The following MTHFD1 variants were observed in gnomAD, a reference collection of about 807,000 sequenced individuals.
The protein encoded by MTHFD1 is methylenetetrahydrofolate dehydrogenase, cyclohydrolase and formyltetrahydrofolate synthetase 1.
In MTHFD1, 44 loss-of-function variants were observed where a neutral mutation model predicts 110.3. That is an observed-to-expected ratio of 0.40 (90% CI 0.31 to 0.51). The LOEUF is 0.51. Among genes scored for constraint, MTHFD1 ranks in the 20% least tolerant of loss-of-function variants. The pLI, the probability that MTHFD1 is intolerant of heterozygous loss-of-function variation, is 0.60. For synonymous variants in MTHFD1, 402 were observed against 428.8 expected, an observed-to-expected ratio of 0.94 and a Z score of 0.77; for missense variants, 909 against 1,173.1, an observed-to-expected ratio of 0.77 and a Z score of 3.29.
At position 64,448,463 on chromosome 14, in the gene MTHFD1, C is replaced by T. The variant is rs547552368; in HGVS notation, c.2279+146C>T. 3.9e-4 allele frequency: 280 copies of T among 720,738 alleles called. 2 individuals carry two copies. Among genetic ancestry groups the T allele is most frequent in the Middle Eastern group, 3.2e-3 (14 of 4,326 alleles). The allele number at this position is 720,738 out of a possible 1,614,324, so 44.6% of individuals were successfully genotyped here. A position where few individuals can be genotyped will look rare whatever the true frequency, so the allele number is the denominator to read the frequency against. On this transcript the variant is annotated intron_variant, in intron 23 of 27. Transcript: ENST00000652337. ...TTAGCCTGCACTGTGACAGGCATTG[C>T]ATACGTCACTGCGGGCTCACCACCT...
chr14:64,430,861 TACATAG>T (rs1487155383), intron 13 of MTHFD1, among the ~76,000 whole-genome samples: 4 of 152,104 alleles, frequency 2.6e-5, no homozygotes, highest in African/African-American at 9.7e-5. Context: ...ATTGGAACAT[TACATAG>T]ACATAGAGTC....
At chr14:64,389,333 C>A (rs2077786836) in intron 1 of MTHFD1, among the ~76,000 whole-genome samples, 1 of 152,174 alleles carries the variant, frequency 6.6e-6, no homozygotes, top group African/African-American at 2.4e-5. Context: ...GTAACTGTTG[C>A]CAGCCACAGC....
intron 23 of MTHFD1, 52 bp from the exon 24 acceptor site, chr14:64,449,393 T>G: frequency 6.3e-7 from 1 of 1,593,418 alleles, no homozygotes; most frequent in South Asian, 1.1e-5. Flanking sequence ...AGAAGACAAT[T>G]CTGTCTCTCC....
chr14:64,454,909 T>C, intron 26 of MTHFD1, 34 bp downstream of exon 26: 6 of 1,610,068 alleles, frequency 3.7e-6, no homozygotes, highest in Non-Finnish European at 5.1e-6. Context: ...AGTGGGCGCA[T>C]CTGCACTTCT....
intron 19 of MTHFD1, chr14:64,441,711 C>T: frequency 1.8e-6 from 1 of 545,296 alleles, no homozygotes; most frequent in South Asian, 2.0e-5. Flanking sequence ...AAGGTTGAGG[C>T]AGAATGGCGT....
At chr14:64,441,757 C>G (rs1431697164) in intron 19 of MTHFD1, 1 of 542,796 alleles carries the variant, frequency 1.8e-6, no homozygotes, top group Non-Finnish European at 3.3e-6. Flanking sequence ...GAGCCGAGAT[C>G]ACGCCACTGC....
intron 24 of MTHFD1, among the ~76,000 whole-genome samples, chr14:64,452,366 T>A (rs562131119): frequency 1.4e-4 from 21 of 152,366 alleles, no homozygotes; most frequent in African/African-American, 4.8e-4. Context: ...ATTGCCTAAT[T>A]TTTGTAATTT....
Position 64,453,778 on chromosome 14 carries a change from A to G in MTHFD1, c.2482A>G (p.Ile828Val), listed in dbSNP as rs758271489. The G allele has an allele frequency of 4.3e-6, 7 of 1,611,146 alleles. No homozygotes were observed. The Admixed American group carries it at 1.2e-4, about 27-fold the overall frequency. ...GCTCCCAGTTGAGGATAAAATCAGG[A>G]TCATTGCACAGAAGATCTATGGAGC... ...LKLPVEDKIR[I>V]IAQKIYGADD... Residue 828 changes from isoleucine to valine, a missense_variant, in exon 25 of 28, where the codon ATC becomes GTC. By Grantham distance (29) the Ile-to-Val change is conservative. Around this residue, in one of 3 missense-constraint regions of MTHFD1, gnomAD observed 482 missense variants for 646.0 expected, o/e 0.75. Coordinates refer to ENST00000652337, the MANE Select transcript of MTHFD1 (RefSeq NM_005956.4).
intron 21 of MTHFD1, among the ~76,000 whole-genome samples, chr14:64,443,097 G>A (rs1010225977): frequency 2.2e-4 from 34 of 152,162 alleles, no homozygotes; most frequent in African/African-American, 8.2e-4. Context: ...CCAGGAGCTT[G>A]TATTATAACT....
intron 3 of MTHFD1, 73 bp from the exon 4 acceptor site, chr14:64,412,399 A>G (rs1289994117): frequency 9.1e-7 from 1 of 1,103,944 alleles, no homozygotes; most frequent in Admixed American, 1.7e-5. Context: ...CTTGTTAGTC[A>G]TGTCTGTAAA....
At chr14:64,421,624 AT>A (rs202091130) in intron 8 of MTHFD1, among the ~76,000 whole-genome samples, 54,946 of 145,396 alleles carry the variant, frequency 0.38, 10,272 homozygotes, top group East Asian at 0.51. Context: ...TATTTTTTTA[AT>A]TTTTTTTTTT....
chr14:64,395,439 G>C (rs1233080279), intron 1 of MTHFD1, among the ~76,000 whole-genome samples: 1 of 152,136 alleles, frequency 6.6e-6, no homozygotes, highest in Non-Finnish European at 1.5e-5. Context: ...GGGTGGGGGT[G>C]GGGGAGGTGG....
At chr14:64,418,202 T>C (rs1474161857) in intron 7 of MTHFD1, among the ~76,000 whole-genome samples, 178 bp downstream of exon 7, 1 of 152,086 alleles carries the variant, frequency 6.6e-6, no homozygotes, top group Non-Finnish European at 1.5e-5. Context: ...GTCCCAACAC[T>C]TTGGGAGTCT....
At chr14:64,440,360 C>A (rs866795627) in intron 18 of MTHFD1, 94 bp downstream of exon 18, 1 of 1,401,914 alleles carries the variant, frequency 7.1e-7, no homozygotes, top group Non-Finnish European at 1.0e-6. Context: ...TAATGCTGTA[C>A]TTAAGACATT....
rs750577887 is a variant in MTHFD1 at position 64,448,330 on chromosome 14, T to C, written c.2279+13T>C. The stretch of plus-strand genomic sequence containing the variant: ...TGAATGCATTCAAGTAAGTGTAGAG[T>C]GTAAGCGAAAAGGATGAATGTGGAA... On this transcript the variant is annotated intron_variant, in intron 23 of 27. Transcript: ENST00000652337. The C allele has an allele frequency of 5.1e-6, 8 of 1,580,480 alleles. No homozygotes were observed. In the Admixed American group the frequency reaches 1.3e-4, roughly 26 times the overall value.
chr14:64,443,120 A>C (rs953709542), intron 21 of MTHFD1, among the ~76,000 whole-genome samples: 4 of 151,984 alleles, frequency 2.6e-5, no homozygotes, highest in Admixed American at 2.0e-4. Context: ...GGAAATAAGG[A>C]CTCCCTGGCC....
chr14:64,431,860 A>C lies in MTHFD1; in HGVS notation c.1493A>C (p.Lys498Thr), dbSNP rs864309594. ...RFSDIQIRRL[K>T]RLGIEKTDPT... ...TCTGACATCCAAATCCGAAGGTTAA[A>C]GGTAAGCTTTTTTTCTTCCACATTT... Residue 498 changes from lysine (K) to threonine (T), a missense_variant and splice_region_variant, in exon 15 of 28, where the codon AAG (lysine) becomes ACG (threonine). Lys to Thr is a moderately conservative substitution (Grantham distance 78). Around this residue, in one of 3 missense-constraint regions of MTHFD1, gnomAD observed 482 missense variants for 646.0 expected, o/e 0.75. Coordinates refer to ENST00000652337, the MANE Select transcript of MTHFD1 (RefSeq NM_005956.4). 1 of 1,613,720 alleles carries C rather than the reference A, an allele frequency of 6.2e-7. No individual in the cohort carries two copies. Among genetic ancestry groups the C allele is most frequent in the Non-Finnish European group, 8.5e-7 (1 of 1,179,596 alleles).
intron 2 of MTHFD1, among the ~76,000 whole-genome samples, chr14:64,408,348 G>A (rs576424968): frequency 4.8e-5 from 7 of 146,762 alleles, no homozygotes; most frequent in Non-Finnish European, 8.9e-5. Context: ...GAGTGCAATG[G>A]CACGATCTTG....
chr14:64,439,242 A>T, intron 17 of MTHFD1, 70 bp downstream of exon 17: 1 of 1,102,022 alleles, frequency 9.1e-7, no homozygotes, highest in South Asian at 1.3e-5. Context: ...CTCCTCCTCC[A>T]TCCTCTCTCA....
Sources: gnomAD v4.1 joint callset for allele counts (sites outside exome capture counted in the v4.1 genomes callset) on GRCh38, gnomAD v4.1.1 for gene constraint, gnomAD v4.1.1 regional missense constraint, MANE v1.5 for transcripts, NCBI Gene and HGNC (gene_info 2026-07-23, HGNC 2026-07-21) for gene names.